The following COL26A1 variants were observed in gnomAD, a reference collection of about 807,000 sequenced individuals.
COL26A1 encodes collagen type XXVI alpha 1 chain.
A neutral mutation model predicts 59.3 loss-of-function variants in COL26A1; 41 were observed. The ratio of observed to expected loss-of-function variants is 0.69; its 90% CI spans 0.54 to 0.90. The LOEUF is 0.90. Among genes scored for constraint, COL26A1 ranks in the 40% least tolerant of loss-of-function variants. The pLI, the probability that COL26A1 is intolerant of heterozygous loss-of-function variation, is 0.00. For missense variants in COL26A1, 612 were observed against 602.3 expected, an observed-to-expected ratio of 1.02 and a Z score of -0.17; for synonymous variants, 266 against 256.0, an observed-to-expected ratio of 1.04 and a Z score of -0.37.
At chr7:101,544,960 G>T (rs531282762) in intron 6 of COL26A1, among the ~76,000 whole-genome samples, 2 of 152,276 alleles carry the variant, frequency 1.3e-5, no homozygotes, top group Admixed American at 1.3e-4. Flanking sequence ...TCCTGCCGGG[G>T]AAGGACCCCT....
chr7:101,507,195 G>A (rs531713034), intron 3 of COL26A1, among the ~76,000 whole-genome samples: 25 of 152,218 alleles, frequency 1.6e-4, no homozygotes, highest in African/African-American at 6.0e-4. Flanking sequence ...GATTACAGAT[G>A]TGAGCCACCG....
chr7:101,371,113 G>A (rs150372256), intron 1 of COL26A1, among the ~76,000 whole-genome samples: 149 of 152,330 alleles, frequency 9.8e-4, no homozygotes, highest in African/African-American at 3.3e-3. Flanking sequence ...GGAAATGTGA[G>A]CCGCTCCAGG....
At chr7:101,375,769 C>T (rs1056659016) in intron 1 of COL26A1, among the ~76,000 whole-genome samples, 119 of 150,190 alleles carry the variant, frequency 7.9e-4, no homozygotes, top group African/African-American at 2.7e-3. Flanking sequence ...GGGCAGATCA[C>T]GAGGTCAGGA....
intron 1 of COL26A1, among the ~76,000 whole-genome samples, chr7:101,389,991 A>G (rs1160666229): frequency 6.6e-6 from 1 of 152,040 alleles, no homozygotes; most frequent in African/African-American, 2.4e-5. Context: ...CTTTCGATGC[A>G]CAGAAATTTT....
At chr7:101,551,230 T>TGTGG in intron 10 of COL26A1, 87 bp downstream of exon 10, 1 of 113,778 alleles carries the variant, frequency 8.8e-6, no homozygotes, top group East Asian at 1.3e-4. Context: ...CGGGGGTTGG[T>TGTGG]GGGGGGGTTC....
chr7:101,540,144 A>C, intron 5 of COL26A1, 95 bp downstream of exon 5: 1 of 1,252,824 alleles, frequency 8.0e-7, no homozygotes. Context: ...CACACTAGAC[A>C]CTCTAGTTCC....
chr7:101,515,925 T>C (rs531466504), intron 3 of COL26A1, among the ~76,000 whole-genome samples: 1 of 152,262 alleles, frequency 6.6e-6, no homozygotes, highest in African/African-American at 2.4e-5. Context: ...TGGCCATCTC[T>C]CTCCCGTCCT....
intron 1 of COL26A1, among the ~76,000 whole-genome samples, chr7:101,405,441 C>T (rs1209701403): frequency 6.6e-6 from 1 of 151,744 alleles, no homozygotes; most frequent in Non-Finnish European, 1.5e-5. Flanking sequence ...CTCAAGTGAT[C>T]CTCCCACCTC....
chr7:101,547,776 C>T (rs1055347787), intron 8 of COL26A1, among the ~76,000 whole-genome samples: 12 of 150,336 alleles, frequency 8.0e-5, no homozygotes, highest in Admixed American at 3.9e-4. Context: ...TTCATTCATT[C>T]GTTCATTCAT....
In COL26A1 at chr7:101,402,013, T is replaced by C. The variant is rs536349176; in HGVS notation, c.159-17964T>C. 1.9e-3 allele frequency among the ~76,000 whole-genome samples: 285 copies of C among 152,258 alleles called. 1 individual carries two copies. Among genetic ancestry groups the C allele is most frequent in the Non-Finnish European group, 3.4e-3 (231 of 68,020 alleles). The stretch of plus-strand genomic sequence containing the variant: ...GATCCAACATAAAAGGCAGACTTCA[T>C]TACCAGCCGGGTTTATTTCATTCTC... On this transcript the variant is annotated intron_variant, in intron 1 of 12. Transcript: ENST00000313669.
rs10264537 is a variant in COL26A1 at position 101,558,209 on chromosome 7, G to T, written c.*679G>T. The T allele has an allele frequency of 6.6e-6, 1 of 152,414 alleles. No individual in the cohort carries two copies. Among genetic ancestry groups the T allele is most frequent in the Non-Finnish European group, 1.5e-5 (1 of 68,160 alleles). 9.4% of individuals were successfully genotyped at this position (152,414 alleles called of 1,614,324 possible). A position where few individuals can be genotyped will look rare whatever the true frequency, so the allele number is the denominator to read the frequency against. ...TCCTCATCCCCCTTCCCCACTGGCT[G>T]GGGGAGCAGCCTGGACTGCAGCTCT... On this transcript the variant is annotated 3_prime_UTR_variant, in exon 13 of 13. Transcript: ENST00000313669.
At chr7:101,373,180 G>A (rs1457313559) in intron 1 of COL26A1, among the ~76,000 whole-genome samples, 1 of 152,136 alleles carries the variant, frequency 6.6e-6, no homozygotes, top group Non-Finnish European at 1.5e-5. Context: ...CAGTTAGGAG[G>A]TAGTTGATGG....
intron 3 of COL26A1, among the ~76,000 whole-genome samples, chr7:101,473,307 A>C (rs1793950134): frequency 6.6e-6 from 1 of 151,840 alleles, no homozygotes; most frequent in Non-Finnish European, 1.5e-5. Flanking sequence ...TGATCTCCTG[A>C]CCTTGTGATC....
chr7:101,536,040 G>A (rs1299570109), intron 4 of COL26A1, among the ~76,000 whole-genome samples: 1 of 152,136 alleles, frequency 6.6e-6, no homozygotes, highest in African/African-American at 2.4e-5. Context: ...GGTTTTTTTA[G>A]ACAAGGTCTC....
chr7:101,550,456 G>A (rs1032656279), intron 9 of COL26A1, among the ~76,000 whole-genome samples: 2 of 149,120 alleles, frequency 1.3e-5, no homozygotes, highest in Non-Finnish European at 3.0e-5. Flanking sequence ...GCAAGACCCT[G>A]TCTCATTAAA....
At chr7:101,364,421 C>T (rs1046883320) in intron 1 of COL26A1, among the ~76,000 whole-genome samples, 2 of 151,990 alleles carry the variant, frequency 1.3e-5, no homozygotes, top group Non-Finnish European at 2.9e-5. Context: ...GCGATCCTCC[C>T]GCCTTGGCCT....
At chr7:101,451,006 T>TATTGAATA (rs764239671) in intron 3 of COL26A1, among the ~76,000 whole-genome samples, 99 of 145,114 alleles carry the variant, frequency 6.8e-4, no homozygotes, top group Non-Finnish European at 1.2e-3. Context: ...TAATATATAA[T>TATTGAATA]ATTGAATAAT....
In COL26A1 at chr7:101,441,019, GCATCTCCAGAGGGAT is replaced by G. The variant is rs1663597455; in HGVS notation, c.282-6664_282-6650del. ...AGAAAGAAAAAGAAAAAAGAAAAGA[GCATCTCCAGAGGGAT>G]GAGCTCAGTTTCTGAATCAGGGGCC... On this transcript the variant is annotated intron_variant, in intron 2 of 12. Coordinates refer to ENST00000313669, the MANE Select transcript of COL26A1 (RefSeq NM_001278563.3). Among the ~76,000 whole-genome samples the G allele has an allele frequency of 2.0e-5, 3 of 151,674 alleles. No individual in the cohort carries two copies. The South Asian group carries it at 6.3e-4, about 32-fold the overall frequency.
intron 1 of COL26A1, among the ~76,000 whole-genome samples, chr7:101,384,230 G>GTTTTTGTTTTTTTTTTTT (rs768170962): frequency 2.8e-5 from 3 of 105,684 alleles, no homozygotes; most frequent in African/African-American, 1.2e-4. Context: ...GTTCAGGCTG[G>GTTTTTGTTTTTTTTTTTT]TTTTTTTTTT....
Sources: gnomAD v4.1 joint callset for allele counts (sites outside exome capture counted in the v4.1 genomes callset) on GRCh38, gnomAD v4.1.1 for gene constraint, MANE v1.5 for transcripts, NCBI Gene and HGNC (gene_info 2026-07-23, HGNC 2026-07-21) for gene names.